SSBP2: variants seen among roughly 807,000 people sequenced by gnomAD.
SSBP2 encodes the protein single stranded DNA binding protein 2, also known as single-stranded DNA-binding protein 2.
In SSBP2, 17 loss-of-function variants were observed where a neutral mutation model predicts 61.8. The observed-to-expected ratio is 0.28, with a 90% CI of 0.19 to 0.41. SSBP2 has a LOEUF of 0.41. Among genes scored for constraint, SSBP2 ranks in the 10% least tolerant of loss-of-function variants. The probability of loss-of-function intolerance (pLI) is 1.00; values close to 1 mark genes in which losing one functional copy is unlikely to be tolerated. For missense variants in SSBP2, 310 were observed against 458.7 expected, an observed-to-expected ratio of 0.68 and a Z score of 2.96; for synonymous variants, 139 against 141.3, an observed-to-expected ratio of 0.98 and a Z score of 0.12.
At chr5:81,499,921 G>T (rs749006286) in intron 5 of SSBP2, among the ~76,000 whole-genome samples, 1 of 152,088 alleles carries the variant, frequency 6.6e-6, no homozygotes, top group African/African-American at 2.4e-5. Flanking sequence ...AAAGCATAGC[G>T]TTTTGTTCTT....
intron 10 of SSBP2, among the ~76,000 whole-genome samples, chr5:81,454,039 T>C (rs6452412): frequency 0.45 from 69,008 of 152,060 alleles, 19,856 homozygotes; most frequent in African/African-American, 0.82. Flanking sequence ...GTAAATTCAA[T>C]AAACTTCCAT....
intron 4 of SSBP2, among the ~76,000 whole-genome samples, chr5:81,611,210 C>T (rs1312004967): frequency 6.6e-6 from 1 of 152,096 alleles, no homozygotes; most frequent in Non-Finnish European, 1.5e-5. Flanking sequence ...CAACCCCCAT[C>T]AAAAACAAGA....
chr5:81,709,726 A>G (rs1338396727), intron 1 of SSBP2, among the ~76,000 whole-genome samples: 2 of 151,948 alleles, frequency 1.3e-5, no homozygotes, highest in South Asian at 2.1e-4. Context: ...TTAAAAATAT[A>G]TCAATTTTGG....
At chr5:81,658,908 T>C (rs1224326585) in intron 1 of SSBP2, among the ~76,000 whole-genome samples, 1 of 152,152 alleles carries the variant, frequency 6.6e-6, no homozygotes, top group Non-Finnish European at 1.5e-5. Flanking sequence ...ACAGAACCAA[T>C]GACTAAAGCC....
intron 4 of SSBP2, among the ~76,000 whole-genome samples, chr5:81,602,163 T>C (rs1157520548): frequency 2.0e-5 from 3 of 152,132 alleles, no homozygotes; most frequent in Admixed American, 2.0e-4. Flanking sequence ...TAGCCCATGT[T>C]TGCCACTGAG....
chr5:81,548,133 G>GTC (rs924883475), intron 4 of SSBP2, among the ~76,000 whole-genome samples: 8 of 152,142 alleles, frequency 5.3e-5, no homozygotes, highest in Non-Finnish European at 1.2e-4. Context: ...CTGTTGGAGG[G>GTC]TCTTGCTTTG....
intron 3 of SSBP2, among the ~76,000 whole-genome samples, chr5:81,633,373 C>T (rs1385643247): frequency 6.6e-6 from 1 of 152,088 alleles, no homozygotes; most frequent in Non-Finnish European, 1.5e-5. Flanking sequence ...GCCTCAGCCT[C>T]CCAAAGTGCT....
chr5:81,466,097 G>T (rs1027726487), intron 9 of SSBP2, among the ~76,000 whole-genome samples: 12 of 151,842 alleles, frequency 7.9e-5, no homozygotes, highest in African/African-American at 2.9e-4. Context: ...ATCAAAACAC[G>T]AACTGATGGA....
intron 1 of SSBP2, among the ~76,000 whole-genome samples, chr5:81,732,571 T>G (rs1211034706): frequency 6.6e-6 from 1 of 152,264 alleles, no homozygotes; most frequent in Non-Finnish European, 1.5e-5. Flanking sequence ...TTTTTCCTAT[T>G]TTGTTGCTCT....
intron 9 of SSBP2, among the ~76,000 whole-genome samples, chr5:81,462,782 A>C (rs1302606361): frequency 1.3e-5 from 2 of 152,164 alleles, no homozygotes; most frequent in Admixed American, 6.5e-5. Context: ...CACAGTAAAA[A>C]AACTTGGGAA....
chr5:81,502,405 G>A (rs1267688294), intron 5 of SSBP2, among the ~76,000 whole-genome samples: 1 of 152,104 alleles, frequency 6.6e-6, no homozygotes, highest in Non-Finnish European at 1.5e-5. Flanking sequence ...TAATGTTAGA[G>A]TGTCCTGGGA....
At chr5:81,750,450 G>A (rs1168292139) in intron 1 of SSBP2, among the ~76,000 whole-genome samples, 1 of 139,860 alleles carries the variant, frequency 7.2e-6, no homozygotes, top group African/African-American at 2.6e-5. Flanking sequence ...CCCTCGCCTC[G>A]CCTCGCCCCG....
At chr5:81,573,972 C>T (rs1363050932) in intron 4 of SSBP2, among the ~76,000 whole-genome samples, 1 of 152,008 alleles carries the variant, frequency 6.6e-6, no homozygotes, top group Non-Finnish European at 1.5e-5. Context: ...AACCCTGTCT[C>T]TACTGAAAAA....
At chr5:81,422,938 C>T (rs1761703465) in intron 16 of SSBP2, among the ~76,000 whole-genome samples, 1 of 152,214 alleles carries the variant, frequency 6.6e-6, no homozygotes, top group Non-Finnish European at 1.5e-5. Context: ...TAATGTGATT[C>T]CACGTCTCAC....
chr5:81,708,735 T>C (rs570341314), intron 1 of SSBP2, among the ~76,000 whole-genome samples: 5 of 151,992 alleles, frequency 3.3e-5, no homozygotes, highest in East Asian at 1.9e-4. Flanking sequence ...TGTGTCCCAA[T>C]TGAAGCTGTC....
chr5:81,656,050 T>A (rs1256712389), intron 1 of SSBP2, among the ~76,000 whole-genome samples: 1 of 152,150 alleles, frequency 6.6e-6, no homozygotes, highest in East Asian at 1.9e-4. Context: ...ATTAAAGATA[T>A]ATAATTTTTT....
chr5:81,666,983 T>C (rs1310963368), intron 1 of SSBP2, among the ~76,000 whole-genome samples: 1 of 152,134 alleles, frequency 6.6e-6, no homozygotes, highest in Non-Finnish European at 1.5e-5. Context: ...ACTCATGCCA[T>C]GGAGGAGAAT....
intron 8 of SSBP2, among the ~76,000 whole-genome samples, chr5:81,471,372 TA>T (rs1027155350): frequency 1.3e-5 from 2 of 151,796 alleles, no homozygotes; most frequent in African/African-American, 4.8e-5. Context: ...CTAATACTAA[TA>T]ACAGAGATGA....
At chr5:81,704,713 T>C (rs1035605803) in intron 1 of SSBP2, among the ~76,000 whole-genome samples, 2 of 146,158 alleles carry the variant, frequency 1.4e-5, no homozygotes, top group Non-Finnish European at 3.0e-5. Context: ...GGAGAACCGC[T>C]TGAACCCAGG....
Sources: allele counts gnomAD v4.1 joint callset (sites outside exome capture counted in the v4.1 genomes callset), GRCh38; gene constraint gnomAD v4.1.1; transcripts MANE v1.5; gene names NCBI Gene and HGNC (gene_info 2026-07-23, HGNC 2026-07-21).